FER1L6: variants seen among roughly 807,000 people sequenced by gnomAD.
FER1L6 encodes the protein fer-1 like family member 6, also known as fer-1-like protein 6.
Under a neutral mutation model 219.2 loss-of-function variants are expected in FER1L6, and 177 were observed. The observed-to-expected ratio is 0.81, with a 90% CI of 0.71 to 0.91. FER1L6 has a LOEUF of 0.91. FER1L6 is among the 40% of genes least tolerant of loss of function. FER1L6 has a pLI of 0.00. For missense variants in FER1L6, 2,153 were observed against 2,259.9 expected, an observed-to-expected ratio of 0.95 and a Z score of 0.96; for synonymous variants, 768 against 824.3, an observed-to-expected ratio of 0.93 and a Z score of 1.17.
chr8:123,912,137 C>G (rs889186653), intron 1 of FER1L6, among the ~76,000 whole-genome samples: 2 of 152,138 alleles, frequency 1.3e-5, no homozygotes, highest in Admixed American at 6.5e-5. Flanking sequence ...AGTATGCTCA[C>G]AGCAGCCAGC....
chr8:124,075,998 T>C (rs1821268804), intron 31 of FER1L6, among the ~76,000 whole-genome samples, 200 bp from the exon 32 acceptor site: 2 of 152,326 alleles, frequency 1.3e-5, no homozygotes, highest in South Asian at 2.1e-4. Flanking sequence ...ATGTAGATGC[T>C]AAAGTAGTGG....
Position 124,049,709 on chromosome 8 carries a change from G to A in FER1L6, c.2827G>A (p.Gly943Arg), listed in dbSNP as rs200894396. The change falls in exon 22 of 41, where the codon GGG becomes AGG. Residue 943 changes from glycine to arginine, a missense_variant. By Grantham distance (125) the Gly-to-Arg change is moderately radical. Transcript: ENST00000522917. ...PRLCYHPIFCGNLSGGDLLAV... is the reference protein window; with the variant it reads ...PRLCYHPIFCRNLSGGDLLAV... ...GTTATGCTATCACCCCATCTTTTGTGGGAATCTCTCTGGAGGGGATCTCCT... is the reference window on the plus strand; with the variant it reads ...GTTATGCTATCACCCCATCTTTTGTAGGAATCTCTCTGGAGGGGATCTCCT... The A allele has an allele frequency of 2.5e-6, 4 of 1,614,070 alleles. No individual in the cohort carries two copies. The highest frequency in any genetic ancestry group is 3.4e-6 in the Non-Finnish European group (4 of 1,180,002).
chr8:123,903,433 A>T (rs113602831), intron 1 of FER1L6, among the ~76,000 whole-genome samples: 12 of 152,326 alleles, frequency 7.9e-5, no homozygotes, highest in African/African-American at 2.9e-4. Flanking sequence ...GGTTCACTTG[A>T]TGAATCTGAT....
intron 2 of FER1L6, 122 bp downstream of exon 2, chr8:123,956,196 C>T (rs909737246): frequency 4.2e-5 from 38 of 909,256 alleles, no homozygotes; most frequent in Middle Eastern, 3.3e-4. Flanking sequence ...GTGCTGCCCC[C>T]GACCCTTTAG....
chr8:124,032,186 AG>A (rs1818997284), intron 18 of FER1L6, among the ~76,000 whole-genome samples: 1 of 152,216 alleles, frequency 6.6e-6, no homozygotes, highest in Non-Finnish European at 1.5e-5. Context: ...GCACTTTGGG[AG>A]GCCGAGGCGG....
At chr8:123,956,106 G>A (rs1340948816) in intron 2 of FER1L6, 32 bp downstream of exon 2, 1 of 1,582,678 alleles carries the variant, frequency 6.3e-7, no homozygotes, top group Non-Finnish European at 8.6e-7. Flanking sequence ...TGACCATTGG[G>A]GCCTGAGAGT....
At chr8:124,114,038 G>C (rs1337521197) in intron 39 of FER1L6, among the ~76,000 whole-genome samples, 3 of 152,010 alleles carry the variant, frequency 2.0e-5, no homozygotes, top group Admixed American at 1.3e-4. Flanking sequence ...ATAACTACTG[G>C]CAATCTTAAT....
intron 12 of FER1L6, among the ~76,000 whole-genome samples, chr8:123,995,656 T>C (rs1264681877): frequency 6.6e-6 from 1 of 152,122 alleles, no homozygotes; most frequent in African/African-American, 2.4e-5. Context: ...ATGTTGTTGT[T>C]TAGATTTCAT....
intron 25 of FER1L6, among the ~76,000 whole-genome samples, 160 bp from the exon 26 acceptor site, chr8:124,064,187 G>T (rs1200528940): frequency 6.6e-6 from 1 of 152,184 alleles, no homozygotes; most frequent in African/African-American, 2.4e-5. Context: ...AGTGAGATGG[G>T]TATTTTTACT....
intron 34 of FER1L6, among the ~76,000 whole-genome samples, chr8:124,092,268 A>G (rs1254953502): frequency 6.6e-6 from 1 of 152,104 alleles, no homozygotes; most frequent in African/African-American, 2.4e-5. Flanking sequence ...CTCACATTGT[A>G]TTCTTTTTTT....
intron 33 of FER1L6, among the ~76,000 whole-genome samples, chr8:124,082,744 T>TA (rs1821614400): frequency 6.6e-6 from 1 of 152,198 alleles, no homozygotes; most frequent in South Asian, 2.1e-4. Flanking sequence ...TGCCTTGAAA[T>TA]AGAGTTTCCC....
intron 22 of FER1L6, among the ~76,000 whole-genome samples, chr8:124,055,762 A>G (rs1201388125): frequency 1.3e-5 from 2 of 152,192 alleles, no homozygotes; most frequent in Middle Eastern, 3.4e-3. Flanking sequence ...AACCCAATTT[A>G]TTATCTTACA....
At chr8:123,947,765 A>C (rs910357821) in intron 1 of FER1L6, among the ~76,000 whole-genome samples, 4 of 152,248 alleles carry the variant, frequency 2.6e-5, no homozygotes, top group Admixed American at 6.5e-5. Flanking sequence ...AATAGAGATA[A>C]GAACAAAGTG....
intron 1 of FER1L6, among the ~76,000 whole-genome samples, chr8:123,925,388 T>C (rs929189361): frequency 1.3e-5 from 2 of 152,202 alleles, no homozygotes; most frequent in Non-Finnish European, 2.9e-5. Flanking sequence ...ACATGACACC[T>C]GTCTTTCAGG....
At chr8:124,062,815 G>A (rs1029049543) in intron 25 of FER1L6, among the ~76,000 whole-genome samples, 8 of 152,088 alleles carry the variant, frequency 5.3e-5, no homozygotes, top group South Asian at 2.1e-4. Flanking sequence ...CAGTAAATAC[G>A]CACATGTATT....
At chr8:124,010,483 T>TCATCATGCCTCCCGAGTCCTGCCCA (rs1817871056) in intron 13 of FER1L6, 111 bp from the exon 14 acceptor site, 2 of 1,317,992 alleles carry the variant, frequency 1.5e-6, no homozygotes, top group Admixed American at 4.6e-5. Context: ...GATAGTTTTT[T>TCATCATGCCTCCCGAGTCCTGCCCA]CATCATGCCT....
chr8:123,883,617 C>A (rs1210581360), intron 1 of FER1L6, among the ~76,000 whole-genome samples: 1 of 152,146 alleles, frequency 6.6e-6, no homozygotes, highest in Non-Finnish European at 1.5e-5. Flanking sequence ...ACAGACTGGG[C>A]AATTTACAAA....
intron 31 of FER1L6, among the ~76,000 whole-genome samples, chr8:124,075,522 AACTTTTTTT>A (rs547117374): frequency 6.6e-6 from 1 of 152,198 alleles, no homozygotes; most frequent in Non-Finnish European, 1.5e-5. Context: ...TTTTACAGTT[AACTTTTTTT>A]AATAAATAGA....
At chr8:123,878,742 A>G (rs1586435718) in intron 1 of FER1L6, among the ~76,000 whole-genome samples, 2 of 152,244 alleles carry the variant, frequency 1.3e-5, no homozygotes, top group Middle Eastern at 3.4e-3. Flanking sequence ...TCCAAATACT[A>G]TTTTTCCTAT....
Sources: gnomAD v4.1 joint callset for allele counts (sites outside exome capture counted in the v4.1 genomes callset) on GRCh38, gnomAD v4.1.1 for gene constraint, MANE v1.5 for transcripts, NCBI Gene and HGNC (gene_info 2026-07-23, HGNC 2026-07-21) for gene names.